Variants in DIXDC1 observed in about 807,000 individuals in gnomAD.
DIXDC1 encodes DIX domain containing 1, also known as dixin.
DIXDC1 carries 64 observed loss-of-function variants against 103.1 expected under a neutral mutation model. That is an observed-to-expected ratio of 0.62 (90% CI 0.51 to 0.76). The LOEUF (loss-of-function observed/expected upper bound fraction) is 0.76, where lower values mean the gene tolerates loss of function less well. DIXDC1 is among the 30% of genes least tolerant of loss of function. DIXDC1 has a pLI of 0.00. For missense variants in DIXDC1, 759 were observed against 834.2 expected, an observed-to-expected ratio of 0.91 and a Z score of 1.11; for synonymous variants, 266 against 298.5, an observed-to-expected ratio of 0.89 and a Z score of 1.12.
intron 1 of DIXDC1, among the ~76,000 whole-genome samples, chr11:111,960,070 C>T (rs781830408): frequency 1.9e-4 from 29 of 151,756 alleles, no homozygotes; most frequent in African/African-American, 3.9e-4. Context: ...CCACCACACC[C>T]GGCTAATTTT....
chr11:112,001,813 A>G (rs1484479576), intron 17 of DIXDC1, among the ~76,000 whole-genome samples: 1 of 150,594 alleles, frequency 6.6e-6, no homozygotes, highest in Non-Finnish European at 1.5e-5. Flanking sequence ...CTGGAGTGCA[A>G]TGACACGATC....
At chr11:111,952,893 GA>G (rs1566478163) in intron 1 of DIXDC1, among the ~76,000 whole-genome samples, 3 of 152,026 alleles carry the variant, frequency 2.0e-5, no homozygotes, top group African/African-American at 7.2e-5. Flanking sequence ...TGGAGGATGG[GA>G]CTAGAGGATG....
At chr11:112,003,408 C>T (rs1464944941) in intron 17 of DIXDC1, among the ~76,000 whole-genome samples, 1 of 152,002 alleles carries the variant, frequency 6.6e-6, no homozygotes, top group Non-Finnish European at 1.5e-5. Flanking sequence ...GATCGCACCA[C>T]TGCACTCCAG....
At chr11:112,018,866 C>T (rs1861674957) in intron 19 of DIXDC1, 90 bp from the exon 20 acceptor site, 2 of 1,104,460 alleles carry the variant, frequency 1.8e-6, no homozygotes, top group South Asian at 1.4e-5. Context: ...CTTTCTTCTA[C>T]ATGGTTGAGG....
In DIXDC1 at chr11:112,021,526, G is replaced by A. The variant is rs1483357138; in HGVS notation, c.*2490G>A. On this transcript the variant is annotated 3_prime_UTR_variant, in exon 20 of 20. Transcript: ENST00000440460. ...CGCCTGGTGGCATTGGTGTGGGGTAGCTTGTCCTGCTACTTGCTAAAGTTC... is the reference window on the plus strand; with the variant it reads ...CGCCTGGTGGCATTGGTGTGGGGTAACTTGTCCTGCTACTTGCTAAAGTTC... The A allele has an allele frequency of 6.6e-6, 1 of 152,204 alleles. No homozygotes were observed. The highest frequency in any genetic ancestry group is 1.9e-4 in the East Asian group (1 of 5,196). The allele number at this position is 152,204 out of a possible 1,614,324, so 9.4% of individuals were successfully genotyped here. A position where few individuals can be genotyped will look rare whatever the true frequency, so the allele number is the denominator to read the frequency against.
intron 17 of DIXDC1, among the ~76,000 whole-genome samples, chr11:111,999,826 G>A (rs1226101881): frequency 1.3e-5 from 2 of 151,724 alleles, no homozygotes; most frequent in Non-Finnish European, 2.9e-5. Flanking sequence ...TCCAGCCTGG[G>A]TGATAGAGTG....
chr11:111,997,153 GTA>G, intron 17 of DIXDC1, among the ~76,000 whole-genome samples: 1 of 152,254 alleles, frequency 6.6e-6, no homozygotes, highest in African/African-American at 2.4e-5. Context: ...AAACAGTTTT[GTA>G]TGTTACATAT....
intron 10 of DIXDC1, 40 bp downstream of exon 10, chr11:111,989,095 G>T: frequency 6.5e-7 from 1 of 1,529,130 alleles, no homozygotes; most frequent in Non-Finnish European, 8.9e-7. Flanking sequence ...TAAAGTCTCT[G>T]CAATGTAAAG....
chr11:111,973,695 A>C (rs1255385279), intron 3 of DIXDC1, among the ~76,000 whole-genome samples: 1 of 152,144 alleles, frequency 6.6e-6, no homozygotes, highest in African/African-American at 2.4e-5. Context: ...TTGTCTAACT[A>C]ATGTGCTACT....
intron 17 of DIXDC1, 140 bp downstream of exon 17, chr11:111,996,286 A>T: frequency 1.4e-6 from 1 of 702,844 alleles, no homozygotes; most frequent in Non-Finnish European, 2.3e-6. Context: ...GCAATACTGC[A>T]ATTGAGTTAG....
intron 1 of DIXDC1, among the ~76,000 whole-genome samples, chr11:111,960,455 A>T (rs911222923): frequency 1.3e-5 from 2 of 151,216 alleles, no homozygotes; most frequent in African/African-American, 2.4e-5. Flanking sequence ...TTAGGTGGGC[A>T]TGGTGGCTGG....
intron 17 of DIXDC1, among the ~76,000 whole-genome samples, chr11:112,014,572 C>T (rs1040491220): frequency 6.6e-6 from 1 of 152,168 alleles, no homozygotes; most frequent in Non-Finnish European, 1.5e-5. Context: ...GAATTAACCT[C>T]GCCATCTTCA....
chr11:111,943,943 T>C (rs1966507923), intron 1 of DIXDC1, among the ~76,000 whole-genome samples: 1 of 152,200 alleles, frequency 6.6e-6, no homozygotes, highest in Admixed American at 6.5e-5. Flanking sequence ...AGGATATTTT[T>C]ACTTGTGAAC....
chr11:111,935,146 TTC>T (rs1404965501), upstream of DIXDC1, among the ~76,000 whole-genome samples: 1 of 152,184 alleles, frequency 6.6e-6, no homozygotes, highest in Non-Finnish European at 1.5e-5. Context: ...TTCACTACAA[TTC>T]TCTCTTAATT....
Position 111,993,577 on chromosome 11 carries a change from A to C in DIXDC1, c.1354A>C (p.Ser452Arg). 1.2e-6 allele frequency: 2 copies of C among 1,614,032 alleles called. No homozygotes were observed. Among genetic ancestry groups the C allele is most frequent in the South Asian group, 1.1e-5 (1 of 91,080 alleles). ...EEALRKLSDV[S>R]YHQVDLEREL... ...AGCACTCCGGAAACTCTCTGATGTC[A>C]GTTACCACCAGGTCAGAACATATTC... The change falls in exon 13 of 20, where the codon AGT becomes CGT. Residue 452 changes from serine to arginine, a missense_variant. By Grantham distance (110) the Ser-to-Arg change is moderately radical. Coordinates refer to ENST00000440460, the MANE Select transcript of DIXDC1 (RefSeq NM_001037954.4).
chr11:111,951,540 A>T (rs2137473068), intron 1 of DIXDC1, among the ~76,000 whole-genome samples: 1 of 152,228 alleles, frequency 6.6e-6, no homozygotes, highest in East Asian at 1.9e-4. Context: ...AATATTATTT[A>T]TGAATATCCA....
intron 17 of DIXDC1, among the ~76,000 whole-genome samples, chr11:112,013,895 C>G (rs188842655): frequency 6.6e-6 from 1 of 152,204 alleles, no homozygotes; most frequent in Middle Eastern, 3.4e-3. Flanking sequence ...AAGCCTCAAT[C>G]GGCTTTCACT....
At chr11:112,006,175 G>A (rs1465498095) in intron 17 of DIXDC1, among the ~76,000 whole-genome samples, 1 of 152,246 alleles carries the variant, frequency 6.6e-6, no homozygotes, top group Non-Finnish European at 1.5e-5. Flanking sequence ...ACAGAGCCTT[G>A]CTCACAGCTA....
chr11:111,985,238 C>T lies in DIXDC1; in HGVS notation c.925C>T (p.Leu309=). 6.2e-7 allele frequency: 1 copy of T among 1,613,346 alleles called. No individual in the cohort carries two copies. Among genetic ancestry groups the T allele is most frequent in the Non-Finnish European group, 8.5e-7 (1 of 1,179,520 alleles). Residue 309 remains leucine (L), a synonymous_variant, in exon 8 of 20, where the codon CTG becomes TTG. Transcript: ENST00000440460. ...KKMISGLQAL[L]LNGSLPEDEQ... Reference sequence around the variant, plus strand: ...TGCCTTTGTGGTTATTCAGGCCTTACTGCTCAATGGATCCTTACCTGAAGA... The same window carrying T: ...TGCCTTTGTGGTTATTCAGGCCTTATTGCTCAATGGATCCTTACCTGAAGA...
Sources: allele counts gnomAD v4.1 joint callset (sites outside exome capture counted in the v4.1 genomes callset), GRCh38; gene constraint gnomAD v4.1.1; transcripts MANE v1.5; gene names NCBI Gene and HGNC (gene_info 2026-07-23, HGNC 2026-07-21).